The following FARS2 variants were observed in gnomAD, a reference collection of about 807,000 sequenced individuals.
The protein encoded by FARS2 is phenylalanyl-tRNA synthetase 2, mitochondrial, also known as phenylalanine--tRNA ligase, mitochondrial.
In FARS2, 40 loss-of-function variants were observed where a neutral mutation model predicts 46.4. The ratio of observed to expected loss-of-function variants is 0.86; its 90% CI spans 0.67 to 1.12. The LOEUF (loss-of-function observed/expected upper bound fraction) is 1.12, where lower values mean the gene tolerates loss of function less well. Among genes scored for constraint, FARS2 ranks in the 50% most tolerant of loss-of-function variants. The pLI is 0.00. For missense variants in FARS2, 513 were observed against 567.9 expected (o/e 0.90, Z 0.98); for synonymous variants, 234 against 214.9 (o/e 1.09, Z -0.78).
intron 2 of FARS2, among the ~76,000 whole-genome samples, chr6:5,392,821 A>ATG (rs202053427): frequency 0.015 from 2,088 of 139,934 alleles, 23 homozygotes; most frequent in Middle Eastern, 0.03. Flanking sequence ...TATATTATAT[A>ATG]TGTATATATA....
intron 4 of FARS2, among the ~76,000 whole-genome samples, chr6:5,501,218 G>C (rs931886900): frequency 2.6e-5 from 4 of 151,970 alleles, no homozygotes; most frequent in African/African-American, 9.7e-5. Context: ...CTTGTACTAA[G>C]GTAAACAAAG....
intron 5 of FARS2, among the ~76,000 whole-genome samples, chr6:5,599,018 G>A (rs1489789726): frequency 6.6e-6 from 1 of 152,194 alleles, no homozygotes; most frequent in Non-Finnish European, 1.5e-5. Flanking sequence ...CTGGGCCTCA[G>A]TTTTACCTTG....
chr6:5,523,633 A>G (rs887476099), intron 4 of FARS2, among the ~76,000 whole-genome samples: 7 of 152,146 alleles, frequency 4.6e-5, no homozygotes, highest in Admixed American at 6.5e-5. Flanking sequence ...GGCACTTTTC[A>G]TGGAGGCTCA....
chr6:5,730,264 AAGAG>A (rs147119905), intron 6 of FARS2, among the ~76,000 whole-genome samples: 2 of 152,316 alleles, frequency 1.3e-5, no homozygotes, highest in East Asian at 3.9e-4. Context: ...CCTTTCTAGA[AAGAG>A]AGAGAGACAG....
At chr6:5,714,476 T>C (rs1309547523) in intron 6 of FARS2, among the ~76,000 whole-genome samples, 1 of 152,172 alleles carries the variant, frequency 6.6e-6, no homozygotes, top group Non-Finnish European at 1.5e-5. Flanking sequence ...GTTGGTCTTC[T>C]TCTAGCTCTT....
intron 1 of FARS2, among the ~76,000 whole-genome samples, chr6:5,334,308 A>G (rs1231636608): frequency 6.6e-6 from 1 of 152,162 alleles, no homozygotes; most frequent in African/African-American, 2.4e-5. Flanking sequence ...CTCTTAGGAG[A>G]TCCATTTGGC....
At chr6:5,584,637 G>T (rs1281871960) in intron 5 of FARS2, among the ~76,000 whole-genome samples, 1 of 151,944 alleles carries the variant, frequency 6.6e-6, no homozygotes, top group East Asian at 1.9e-4. Context: ...GTTAGATTTT[G>T]TCAGTGGCAC....
chr6:5,501,809 T>A (rs932662266), intron 4 of FARS2, among the ~76,000 whole-genome samples: 3 of 152,208 alleles, frequency 2.0e-5, no homozygotes, highest in East Asian at 3.8e-4. Flanking sequence ...TCTCATTTTT[T>A]AAAATAAAGT....
intron 5 of FARS2, among the ~76,000 whole-genome samples, chr6:5,574,884 C>A (rs1772866417): frequency 6.6e-6 from 1 of 152,064 alleles, no homozygotes; most frequent in Non-Finnish European, 1.5e-5. Flanking sequence ...CCCTGTGGAA[C>A]CTGCATATAC....
intron 4 of FARS2, among the ~76,000 whole-genome samples, chr6:5,487,495 C>G (rs925890369): frequency 6.6e-6 from 1 of 152,144 alleles, no homozygotes; most frequent in African/African-American, 2.4e-5. Context: ...TGTTTAATAC[C>G]TACAACAGCC....
At chr6:5,722,530 C>G (rs547249778) in intron 6 of FARS2, among the ~76,000 whole-genome samples, 3 of 152,152 alleles carry the variant, frequency 2.0e-5, no homozygotes, top group Non-Finnish European at 4.4e-5. Flanking sequence ...AAGAGCAGGT[C>G]GACTGGGATA....
chr6:5,596,764 C>T (rs1774223972), intron 5 of FARS2, among the ~76,000 whole-genome samples: 1 of 152,116 alleles, frequency 6.6e-6, no homozygotes, highest in Admixed American at 6.5e-5. Context: ...ATGTGAATGC[C>T]CCTGCCAGGT....
intron 6 of FARS2, among the ~76,000 whole-genome samples, chr6:5,662,740 G>T (rs746539067): frequency 6.6e-6 from 1 of 152,158 alleles, no homozygotes; most frequent in East Asian, 1.9e-4. Context: ...TGGTGTGTGC[G>T]GTGGTCAAGA....
chr6:5,297,146 A>C (rs1767950920), intron 1 of FARS2, among the ~76,000 whole-genome samples: 1 of 152,184 alleles, frequency 6.6e-6, no homozygotes, highest in Non-Finnish European at 1.5e-5. Flanking sequence ...AGGTGAGCTC[A>C]CATAGCTAAC....
intron 6 of FARS2, among the ~76,000 whole-genome samples, chr6:5,745,002 T>C (rs1279687495): frequency 6.6e-6 from 1 of 152,206 alleles, no homozygotes; most frequent in Non-Finnish European, 1.5e-5. Flanking sequence ...TTTGACACTC[T>C]TTAGGAAAAG....
At chr6:5,534,261 AT>A (rs1323066283) in intron 4 of FARS2, among the ~76,000 whole-genome samples, 2 of 152,142 alleles carry the variant, frequency 1.3e-5, no homozygotes, top group Non-Finnish European at 2.9e-5. Context: ...CTGAGATTTT[AT>A]TTTTTTGTGA....
chr6:5,562,511 A>T (rs1214645997), intron 5 of FARS2, among the ~76,000 whole-genome samples: 1 of 152,160 alleles, frequency 6.6e-6, no homozygotes, highest in African/African-American at 2.4e-5. Context: ...TCTCCTTAAC[A>T]TTCAGGTTTT....
intron 6 of FARS2, among the ~76,000 whole-genome samples, chr6:5,686,755 T>C (rs1275988848): frequency 1.3e-5 from 2 of 152,250 alleles, no homozygotes; most frequent in East Asian, 3.8e-4. Flanking sequence ...ATTTCAGTTC[T>C]AGATCCCTGA....
chr6:5,659,016 T>C (rs1777727002), intron 6 of FARS2, among the ~76,000 whole-genome samples: 1 of 152,236 alleles, frequency 6.6e-6, no homozygotes, highest in South Asian at 2.1e-4. Flanking sequence ...GAGACTTTGA[T>C]GCCCAGTGCC....
Sources: allele counts gnomAD v4.1 joint callset (sites outside exome capture counted in the v4.1 genomes callset), GRCh38; gene constraint gnomAD v4.1.1; transcripts MANE v1.5; gene names NCBI Gene and HGNC (gene_info 2026-07-23, HGNC 2026-07-21).